LAMA3: variants seen among roughly 807,000 people sequenced by gnomAD.
LAMA3 encodes the protein laminin subunit alpha 3, also known as laminin subunit alpha-3.
In LAMA3, 281 loss-of-function variants were observed where a neutral mutation model predicts 402.0. The observed-to-expected ratio is 0.70, with a 90% CI of 0.63 to 0.77. LAMA3 has a LOEUF of 0.77. LAMA3 is among the 30% of genes least tolerant of loss of function. The pLI is 0.00. For missense variants in LAMA3, 3,840 were observed against 4,215.5 expected, an observed-to-expected ratio of 0.91 and a Z score of 2.47; for synonymous variants, 1,431 against 1,558.4, an observed-to-expected ratio of 0.92 and a Z score of 1.93.
intron 42 of LAMA3, among the ~76,000 whole-genome samples, chr18:23,893,272 G>A (rs2080754184): frequency 1.3e-5 from 2 of 152,178 alleles, no homozygotes; most frequent in South Asian, 2.1e-4. Flanking sequence ...GAGAGGACAT[G>A]TCAATGTCAG....
chr18:23,905,800 C>T (rs568319486), intron 52 of LAMA3, among the ~76,000 whole-genome samples, 176 bp downstream of exon 52: 54 of 152,072 alleles, frequency 3.6e-4, no homozygotes, highest in South Asian at 2.3e-3. Flanking sequence ...ATGGGGTCTC[C>T]GTTGCCCAGG....
At chr18:23,933,163 G>A (rs1472894072) in intron 66 of LAMA3, among the ~76,000 whole-genome samples, 1 of 152,154 alleles carries the variant, frequency 6.6e-6, no homozygotes, top group African/African-American at 2.4e-5. Context: ...CCATCATTCA[G>A]TATCATCCAG....
chr18:23,875,092 T>TC (rs748005437), intron 38 of LAMA3, among the ~76,000 whole-genome samples: 1 of 152,152 alleles, frequency 6.6e-6, no homozygotes, highest in Non-Finnish European at 1.5e-5. Context: ...CTCGAACTCC[T>TC]GGGCTCAAGT....
In LAMA3 at chr18:23,898,722, T is replaced by C. The variant is rs560968136; in HGVS notation, c.5614-16T>C. 23 of 1,335,050 alleles carry C rather than the reference T, an allele frequency of 1.7e-5. No homozygotes were observed. Among genetic ancestry groups the C allele is most frequent in the South Asian group, 7.0e-5 (6 of 85,444 alleles). 82.7% of individuals were successfully genotyped at this position (1,335,050 alleles called of 1,614,324 possible). Reference sequence around the variant, plus strand: ...TTTATACTGTAAAGTGACATTCATTTGTGTTTTGTTTCCAGAATCAGTTGC... The same window carrying C: ...TTTATACTGTAAAGTGACATTCATTCGTGTTTTGTTTCCAGAATCAGTTGC... On this transcript the variant is annotated splice_polypyrimidine_tract_variant and intron_variant, in intron 44 of 74. Transcript: ENST00000313654.
rs760676277 is a variant in LAMA3, at chr18:23,949,910, G to T, written c.9497G>T (p.Gly3166Val). 2 of 1,614,072 alleles carry T rather than the reference G, an allele frequency of 1.2e-6. No individual in the cohort carries two copies. Among genetic ancestry groups the T allele is most frequent in the Non-Finnish European group, 1.7e-6 (2 of 1,180,022 alleles). Reference protein sequence around the residue: ...EKGIYFSEEGGHVVLAHSVLL... With the variant: ...EKGIYFSEEGVHVVLAHSVLL... Reference sequence around the variant, plus strand: ...GGCATTTATTTCTCTGAAGAAGGAGGTCATGTCGTCTTGGGTAAGGAGCAG... The same window carrying T: ...GGCATTTATTTCTCTGAAGAAGGAGTTCATGTCGTCTTGGGTAAGGAGCAG... The change falls in exon 71 of 75, where the codon GGT (glycine) becomes GTT (valine). Residue 3166 changes from glycine (G) to valine (V), a missense_variant. Transcript: ENST00000313654.
intron 72 of LAMA3, among the ~76,000 whole-genome samples, chr18:23,950,827 C>A (rs531617808): frequency 6.6e-6 from 1 of 152,310 alleles, no homozygotes; most frequent in African/African-American, 2.4e-5. Flanking sequence ...CTGAGTAGGT[C>A]TCTGGTAGCC....
intron 35 of LAMA3, among the ~76,000 whole-genome samples, chr18:23,863,631 G>T (rs916175224): frequency 6.6e-6 from 1 of 152,212 alleles, no homozygotes; most frequent in Non-Finnish European, 1.5e-5. Context: ...AGCTCTGTAA[G>T]GCTTTGTCAG....
chr18:23,954,425 ACTATCTTTT>A, intron 74 of LAMA3, 69 bp from the exon 75 acceptor site: 1 of 1,147,152 alleles, frequency 8.7e-7, no homozygotes, highest in Non-Finnish European at 1.3e-6. Flanking sequence ...AAAAAAAAAT[ACTATCTTTT>A]AAAATCCAGG....
At chr18:23,869,963 C>T (rs1481746894) in intron 37 of LAMA3, among the ~76,000 whole-genome samples, 1 of 151,400 alleles carries the variant, frequency 6.6e-6, no homozygotes, top group Non-Finnish European at 1.5e-5. Context: ...GAGTTTGAGA[C>T]CAGCCTGGCT....
intron 2 of LAMA3, among the ~76,000 whole-genome samples, chr18:23,717,821 G>A (rs1251415453): frequency 6.8e-6 from 1 of 147,134 alleles, no homozygotes; most frequent in African/African-American, 2.6e-5. Context: ...CACCCATCTC[G>A]GCCTCCCAAA....
At chr18:23,748,527 G>T (rs576895032) in intron 3 of LAMA3, among the ~76,000 whole-genome samples, 1 of 152,042 alleles carries the variant, frequency 6.6e-6, no homozygotes, top group Non-Finnish European at 1.5e-5. Context: ...GGGCGCGGTG[G>T]CTTATGCCTG....
intron 68 of LAMA3, among the ~76,000 whole-genome samples, chr18:23,941,031 G>A (rs796074207): frequency 2.0e-5 from 3 of 151,732 alleles, no homozygotes; most frequent in African/African-American, 7.2e-5. Flanking sequence ...CACCTCCTGG[G>A]TTCACACTAT....
At chr18:23,882,185 A>G (rs889151458) in intron 40 of LAMA3, 140 bp downstream of exon 40, 2 of 699,298 alleles carry the variant, frequency 2.9e-6, no homozygotes, top group African/African-American at 1.8e-5. Context: ...GGATGAAAAC[A>G]TTTTCAAATT....
chr18:23,916,814 C>T lies in LAMA3; in HGVS notation c.7923+119C>T, dbSNP rs186363587. ...CTGGAAAACAATGTGTAAATGTTAC[C>T]TGCATCCTTTTCCTCCACCCAGTTG... is the stretch of plus-strand genomic sequence containing the variant. On this transcript the variant is annotated intron_variant, in intron 60 of 74. Transcript: ENST00000313654. 99 of 979,462 alleles carry T rather than the reference C, an allele frequency of 1.0e-4. No homozygotes were observed. In the African/African-American group the frequency reaches 1.4e-3, roughly 14 times the overall value. 60.7% of individuals were successfully genotyped at this position (979,462 alleles called of 1,614,324 possible).
chr18:23,880,158 G>C (rs528908883), intron 39 of LAMA3, among the ~76,000 whole-genome samples: 1 of 152,212 alleles, frequency 6.6e-6, no homozygotes, highest in Non-Finnish European at 1.5e-5. Context: ...GGACTCCTCT[G>C]TGGAGCTAAT....
chr18:23,949,639 C>T lies in LAMA3; in HGVS notation c.9352-126C>T, dbSNP rs1313720502. ...GAGTTTGAAGAACCTGACTTGGAAG[C>T]GGGAAGAATGAATCCCTACCTACCT... is the stretch of plus-strand genomic sequence containing the variant. On this transcript the variant is annotated intron_variant, in intron 70 of 74. Coordinates refer to ENST00000313654, the MANE Select transcript of LAMA3 (RefSeq NM_198129.4). The T allele has an allele frequency of 4.4e-6, 4 of 910,588 alleles. No homozygotes were observed. In the East Asian group the frequency reaches 7.3e-5, roughly 17 times the overall value. The allele number at this position is 910,588 out of a possible 1,614,324, so 56.4% of individuals were successfully genotyped here.
chr18:23,700,778 G>T (rs1296131190), intron 1 of LAMA3, among the ~76,000 whole-genome samples: 1 of 152,042 alleles, frequency 6.6e-6, no homozygotes. Flanking sequence ...GCTCACTGCA[G>T]CCTCTACCTC....
rs1462494012 is a variant in LAMA3 at position 23,815,494 on chromosome 18, C to G, written c.1968C>G (p.Ser656=). 1.2e-6 allele frequency: 2 copies of G among 1,613,916 alleles called. No homozygotes were observed. The highest frequency in any genetic ancestry group is 2.2e-5 in the East Asian group (1 of 44,902). Residue 656 remains serine, a synonymous_variant, in exon 17 of 75, where the codon TCC becomes TCG. Transcript: ENST00000313654. Reference sequence around the variant, plus strand: ...GAGATGGTGACTGTCACTGCAAGTCCCATGTGGGTGGCGATTCCTGCGACA... The same window carrying G: ...GAGATGGTGACTGTCACTGCAAGTCGCATGTGGGTGGCGATTCCTGCGACA... The part of the protein sequence containing the change: ...RQGDGDCHCK[S]HVGGDSCDTC...
chr18:23,824,556 A>C lies in LAMA3; in HGVS notation c.2562A>C (p.Gly854=). 1 of 1,614,058 alleles carries C rather than the reference A, an allele frequency of 6.2e-7. No homozygotes were observed. The change falls in exon 21 of 75, where the codon GGA becomes GGC. Residue 854 remains glycine (G), a synonymous_variant. Transcript: ENST00000313654. ...GGGTTGCTTGTATTAAGGCAGAAGG[A>C]GTCCTTCTGGTAAGACTTAGTTCTG... ...GIWVACIKAE[G]VLLDYLVLLP...
Sources: gnomAD v4.1 joint callset for allele counts (sites outside exome capture counted in the v4.1 genomes callset) on GRCh38, gnomAD v4.1.1 for gene constraint, MANE v1.5 for transcripts, NCBI Gene and HGNC (gene_info 2026-07-23, HGNC 2026-07-21) for gene names.